Variants in SEMA5A observed in about 807,000 individuals in gnomAD.
SEMA5A encodes semaphorin 5A, also known as semaphorin-5A.
A neutral mutation model predicts 135.5 loss-of-function variants in SEMA5A; 55 were observed. That is an observed-to-expected ratio of 0.41 (90% CI 0.33 to 0.51). The LOEUF (loss-of-function observed/expected upper bound fraction) is 0.51, where lower values mean the gene tolerates loss of function less well. Among genes scored for constraint, SEMA5A ranks in the 20% least tolerant of loss-of-function variants. The pLI is 0.37. For missense variants in SEMA5A, 1,290 were observed against 1,419.9 expected (o/e 0.91, Z 1.47); for synonymous variants, 580 against 546.5 (o/e 1.06, Z -0.85).
intron 1 of SEMA5A, among the ~76,000 whole-genome samples, chr5:9,484,267 C>A (rs979388900): frequency 3.3e-5 from 5 of 152,214 alleles, no homozygotes; most frequent in African/African-American, 1.2e-4. Flanking sequence ...CCAGTTCTTA[C>A]AGTCATTTGA....
chr5:9,075,651 T>C (rs1413057753), intron 16 of SEMA5A, among the ~76,000 whole-genome samples: 2 of 151,884 alleles, frequency 1.3e-5, no homozygotes, highest in Non-Finnish European at 2.9e-5. Flanking sequence ...TCAGTGCTTA[T>C]CTGAGATGAG....
chr5:9,115,126 T>C (rs1364315696), intron 15 of SEMA5A, among the ~76,000 whole-genome samples: 4 of 152,138 alleles, frequency 2.6e-5, no homozygotes, highest in Non-Finnish European at 2.9e-5. Context: ...TGAAGGCCCA[T>C]AATGTTTTTA....
At chr5:9,264,876 G>A (rs1280036486) in intron 5 of SEMA5A, among the ~76,000 whole-genome samples, 10 of 152,114 alleles carry the variant, frequency 6.6e-5, no homozygotes, top group African/African-American at 2.2e-4. Flanking sequence ...GGCTGACTTC[G>A]GGGTGGGAAG....
chr5:9,190,499 A>G, intron 10 of SEMA5A, 28 bp from the exon 11 acceptor site: 1 of 1,607,966 alleles, frequency 6.2e-7, no homozygotes, highest in Non-Finnish European at 8.5e-7. Context: ...CCAGGTTACC[A>G]GAGCCGGCAG....
chr5:9,354,053 G>T (rs147011968), intron 3 of SEMA5A, among the ~76,000 whole-genome samples: 3 of 151,420 alleles, frequency 2.0e-5, no homozygotes, highest in East Asian at 3.9e-4. Flanking sequence ...TTTCTGCCAC[G>T]GCCCAGCAAC....
At chr5:9,412,488 T>A (rs1365462671) in intron 2 of SEMA5A, among the ~76,000 whole-genome samples, 1 of 86,266 alleles carries the variant, frequency 1.2e-5, no homozygotes, top group Non-Finnish European at 2.3e-5. Context: ...ACTACTTCAT[T>A]GCTTTTTTTT....
rs1240108237 is a variant in SEMA5A at position 9,131,641 on chromosome 5, AAAAAAAAAAAAAAAAAAC to A, written c.1599+4845_1599+4862del. ...AAAAAAAAAAAAAAAAAAAAAAAAA[AAAAAAAAAAAAAAAAAAC>A]CTGTCATGTGAGCAATAGAGCAAGA... On this transcript the variant is annotated intron_variant, in intron 13 of 22. Coordinates refer to ENST00000382496, the MANE Select transcript of SEMA5A (RefSeq NM_003966.3). 7.0e-4 allele frequency among the ~76,000 whole-genome samples: 24 copies of A among 34,246 alleles called. 4 individuals carry two copies. Among genetic ancestry groups the A allele is most frequent in the Admixed American group, 1.5e-3 (4 of 2,754 alleles). 22.5% of individuals were successfully genotyped at this position (34,246 alleles called of 152,430 possible). A position where few individuals can be genotyped will look rare whatever the true frequency, so the allele number is the denominator to read the frequency against.
chr5:9,220,642 TC>T (rs1244388647), intron 8 of SEMA5A, among the ~76,000 whole-genome samples: 2 of 152,198 alleles, frequency 1.3e-5, no homozygotes, highest in African/African-American at 4.8e-5. Context: ...AGGACAGAAT[TC>T]CCAGGGATAA....
intron 1 of SEMA5A, among the ~76,000 whole-genome samples, chr5:9,443,769 C>T (rs184809534): frequency 0.013 from 1,950 of 152,374 alleles, 20 homozygotes; most frequent in Non-Finnish European, 0.019. Context: ...AGGGCCAGTT[C>T]CTGGCCATTC....
At chr5:9,051,027 G>C (rs201660342) in intron 20 of SEMA5A, among the ~76,000 whole-genome samples, 1 of 152,108 alleles carries the variant, frequency 6.6e-6, no homozygotes, top group Admixed American at 6.5e-5. Flanking sequence ...AATATCACTC[G>C]GTAGTCTAGA....
chr5:9,463,111 T>C (rs1759118588), intron 1 of SEMA5A, among the ~76,000 whole-genome samples: 1 of 152,136 alleles, frequency 6.6e-6, no homozygotes, highest in Admixed American at 6.5e-5. Context: ...CAAGCTCTGA[T>C]AAAAGACTCA....
chr5:9,207,137 G>C (rs1220073881), intron 8 of SEMA5A, among the ~76,000 whole-genome samples: 1 of 54,130 alleles, frequency 1.8e-5, no homozygotes, highest in Non-Finnish European at 4.2e-5. Context: ...TATATATAAA[G>C]CTTAAAGGTC....
chr5:9,441,087 C>A (rs1758214750), intron 1 of SEMA5A, among the ~76,000 whole-genome samples: 1 of 152,178 alleles, frequency 6.6e-6, no homozygotes, highest in East Asian at 1.9e-4. Context: ...ATCATCAGTC[C>A]CTCCGTTAAT....
intron 5 of SEMA5A, among the ~76,000 whole-genome samples, chr5:9,272,670 G>A (rs1043181798): frequency 1.3e-5 from 2 of 152,142 alleles, no homozygotes; most frequent in African/African-American, 4.8e-5. Flanking sequence ...GAAGGAACAG[G>A]CAGCAATCTT....
chr5:9,252,537 A>G (rs1182968015), intron 5 of SEMA5A, among the ~76,000 whole-genome samples: 3 of 152,212 alleles, frequency 2.0e-5, no homozygotes, highest in Admixed American at 6.5e-5. Flanking sequence ...AAGAAAATTC[A>G]AACTGGGTTA....
At chr5:9,219,261 A>G (rs149566281) in intron 8 of SEMA5A, among the ~76,000 whole-genome samples, 3 of 152,334 alleles carry the variant, frequency 2.0e-5, no homozygotes, top group African/African-American at 7.2e-5. Flanking sequence ...GAGGAATAAG[A>G]AGAAAGACTC....
chr5:9,486,969 A>C (rs1036695511), intron 1 of SEMA5A, among the ~76,000 whole-genome samples: 6 of 152,200 alleles, frequency 3.9e-5, no homozygotes, highest in African/African-American at 1.4e-4. Context: ...CAGCTGGGAG[A>C]TTTCTAGATA....
In SEMA5A at chr5:9,204,958, C is replaced by A. The variant is rs575783979; in HGVS notation, c.647-2718G>T. On this transcript the variant is annotated intron_variant, in intron 8 of 22. Coordinates refer to ENST00000382496, the MANE Select transcript of SEMA5A (RefSeq NM_003966.3). The surrounding 1 kb of genome is among the most constrained non-coding windows in gnomAD (Gnocchi z 6.4). Reference sequence around the variant, plus strand: ...TAATGCCTGATGATCTGAGGCAGAACAGTTTCATCCCTAAACCATCCCCTC... The same window carrying A: ...TAATGCCTGATGATCTGAGGCAGAAAAGTTTCATCCCTAAACCATCCCCTC... Among the ~76,000 whole-genome samples the A allele has an allele frequency of 9.8e-5, 15 of 152,290 alleles. No individual in the cohort carries two copies. Among genetic ancestry groups the A allele is most frequent in the Non-Finnish European group, 2.1e-4 (14 of 68,014 alleles).
intron 1 of SEMA5A, among the ~76,000 whole-genome samples, chr5:9,467,632 G>A (rs1759311187): frequency 1.3e-5 from 2 of 152,154 alleles, no homozygotes; most frequent in Admixed American, 6.5e-5. Flanking sequence ...AAGCATGGGT[G>A]GCTTTCCAAC....
Sources: gnomAD v4.1 joint callset for allele counts (sites outside exome capture counted in the v4.1 genomes callset) on GRCh38, gnomAD v4.1.1 for gene constraint, Gnocchi (gnomAD v3.1) non-coding constraint, MANE v1.5 for transcripts, NCBI Gene and HGNC (gene_info 2026-07-23, HGNC 2026-07-21) for gene names.